Variants in CADPS2 observed in about 807,000 individuals in gnomAD.
The protein encoded by CADPS2 is calcium-dependent secretion activator 2.
In CADPS2, 93 loss-of-function variants were observed where a neutral mutation model predicts 172.5. That is an observed-to-expected ratio of 0.54 (90% CI 0.46 to 0.64). The LOEUF (loss-of-function observed/expected upper bound fraction) is 0.64. Ranked by LOEUF, CADPS2 falls within the 30% of genes least tolerant of loss-of-function variation. CADPS2 has a pLI of 0.00. For missense variants in CADPS2, 1,420 were observed against 1,565.9 expected (o/e 0.91, Z 1.57); for synonymous variants, 546 against 555.2 (o/e 0.98, Z 0.23).
At chr7:122,756,114 ATACTT>A (rs2093150031) in intron 1 of CADPS2, among the ~76,000 whole-genome samples, 1 of 152,230 alleles carries the variant, frequency 6.6e-6, no homozygotes, top group Non-Finnish European at 1.5e-5. Context: ...AACACTGAAA[ATACTT>A]TATTTTCCCT....
intron 23 of CADPS2, among the ~76,000 whole-genome samples, chr7:122,387,935 C>G (rs914196705): frequency 1.3e-5 from 2 of 151,970 alleles, no homozygotes; most frequent in Non-Finnish European, 2.9e-5. Context: ...GAACACTTTT[C>G]TAATATGTGG....
chr7:122,521,661 A>G (rs2060808575), intron 8 of CADPS2, among the ~76,000 whole-genome samples: 1 of 152,140 alleles, frequency 6.6e-6, no homozygotes, highest in Non-Finnish European at 1.5e-5. Context: ...TCATCAAACA[A>G]AATTACATAA....
chr7:122,786,960 A>C (rs1794189442), intron 1 of CADPS2, among the ~76,000 whole-genome samples: 2 of 152,194 alleles, frequency 1.3e-5, no homozygotes, highest in African/African-American at 4.8e-5. Flanking sequence ...TCACAGCTAC[A>C]TCCTCAGTGC....
At chr7:122,707,310 T>C (rs939668794) in intron 2 of CADPS2, among the ~76,000 whole-genome samples, 2 of 151,926 alleles carry the variant, frequency 1.3e-5, no homozygotes, top group Non-Finnish European at 2.9e-5. Flanking sequence ...TATGCATGTA[T>C]CCTATAACTT....
Position 122,613,825 on chromosome 7 carries a change from C to T in CADPS2, c.1223+1356G>A, listed in dbSNP as rs138174493. ...GTTTAGTCGATTGAATTAATAATTC[C>T]GCTTGGATGCTTACTAAGTACTCAG... On this transcript the variant is annotated intron_variant, in intron 6 of 29. Coordinates refer to ENST00000449022, the MANE Select transcript of CADPS2 (RefSeq NM_017954.11). Among the ~76,000 whole-genome samples the T allele has an allele frequency of 5.6e-3, 856 of 151,898 alleles. 2 individuals are homozygous for T. Among genetic ancestry groups the T allele is most frequent in the Middle Eastern group, 0.01 (3 of 294 alleles).
intron 24 of CADPS2, among the ~76,000 whole-genome samples, chr7:122,381,830 A>C (rs2043044678): frequency 1.3e-5 from 2 of 152,176 alleles, no homozygotes; most frequent in Admixed American, 1.3e-4. Flanking sequence ...CAAAGGAATA[A>C]AGAAGTATAC....
rs767501085 is a variant in CADPS2 at position 122,491,352 on chromosome 7, C to T, written c.1611G>A (p.Gln537=). 1.9e-6 allele frequency: 3 copies of T among 1,611,742 alleles called. No homozygotes were observed. Among genetic ancestry groups the T allele is most frequent in the Non-Finnish European group, 2.5e-6 (3 of 1,178,820 alleles). The change falls in exon 10 of 30, where the codon CAG becomes CAA. Residue 537 remains glutamine, a synonymous_variant. Transcript: ENST00000449022. ...EKKSEPQELM[Q]LEGYTVDYTD... ...TATAATCCACAGTATAGCCTTCAAGCTGCATTAATTCTTGTGGTTCAGACT... is the reference window on the plus strand; with the variant it reads ...TATAATCCACAGTATAGCCTTCAAGTTGCATTAATTCTTGTGGTTCAGACT...
chr7:122,545,000 G>T (rs1397186960), intron 8 of CADPS2, among the ~76,000 whole-genome samples: 1 of 152,146 alleles, frequency 6.6e-6, no homozygotes, highest in Non-Finnish European at 1.5e-5. Flanking sequence ...CATTCTTCTG[G>T]TGTCTGTAGG....
chr7:122,386,897 A>G, intron 24 of CADPS2, 129 bp downstream of exon 24: 1 of 888,052 alleles, frequency 1.1e-6, no homozygotes, highest in Non-Finnish European at 1.7e-6. Context: ...TTATTATAGT[A>G]AAGATCAAAC....
intron 1 of CADPS2, among the ~76,000 whole-genome samples, chr7:122,804,378 T>C (rs928773718): frequency 1.3e-5 from 2 of 152,224 alleles, no homozygotes; most frequent in African/African-American, 4.8e-5. Flanking sequence ...ATTTAGGTTA[T>C]TTTATTTTTC....
chr7:122,543,102 G>T (rs1297120503), intron 8 of CADPS2, among the ~76,000 whole-genome samples: 1 of 151,782 alleles, frequency 6.6e-6, no homozygotes, highest in East Asian at 1.9e-4. Flanking sequence ...CTGGTATAAG[G>T]ATATTTTGGA....
At chr7:122,517,993 T>C (rs1477375971) in intron 8 of CADPS2, among the ~76,000 whole-genome samples, 1 of 151,992 alleles carries the variant, frequency 6.6e-6, no homozygotes, top group Non-Finnish European at 1.5e-5. Flanking sequence ...ATGTTCAGTG[T>C]TGTTATGATT....
At chr7:122,816,533 T>C (rs763090075) in intron 1 of CADPS2, among the ~76,000 whole-genome samples, 14 of 152,244 alleles carry the variant, frequency 9.2e-5, no homozygotes, top group Non-Finnish European at 2.1e-4. Context: ...TATGATCTCC[T>C]TTCTTTTGGA....
intron 9 of CADPS2, among the ~76,000 whole-genome samples, chr7:122,498,098 C>T (rs1237847141): frequency 1.3e-5 from 2 of 152,124 alleles, no homozygotes; most frequent in Non-Finnish European, 2.9e-5. Flanking sequence ...CAGGCATTTG[C>T]CACCAGGCCT....
intron 2 of CADPS2, among the ~76,000 whole-genome samples, chr7:122,690,906 C>T (rs908922392): frequency 6.6e-6 from 1 of 152,124 alleles, no homozygotes; most frequent in Non-Finnish European, 1.5e-5. Flanking sequence ...ACAAGTATCT[C>T]GACTAGACCT....
At chr7:122,815,766 T>C (rs1801183534) in intron 1 of CADPS2, among the ~76,000 whole-genome samples, 1 of 152,172 alleles carries the variant, frequency 6.6e-6, no homozygotes, top group Non-Finnish European at 1.5e-5. Flanking sequence ...GTTGTTTCCA[T>C]TTTACTGTCA....
chr7:122,468,803 C>T (rs1332913913), intron 14 of CADPS2, among the ~76,000 whole-genome samples: 3 of 152,132 alleles, frequency 2.0e-5, no homozygotes, highest in Non-Finnish European at 4.4e-5. Context: ...GGACTGTAAA[C>T]GTCACAGGAA....
chr7:122,615,683 G>T (rs2074821626), intron 5 of CADPS2, among the ~76,000 whole-genome samples: 1 of 151,916 alleles, frequency 6.6e-6, no homozygotes, highest in Non-Finnish European at 1.5e-5. Flanking sequence ...TACATGATAA[G>T]TACCATATAA....
At chr7:122,657,874 C>A (rs1217222160) in intron 3 of CADPS2, among the ~76,000 whole-genome samples, 2 of 152,124 alleles carry the variant, frequency 1.3e-5, no homozygotes, top group Non-Finnish European at 2.9e-5. Context: ...GAGAGGGCAT[C>A]CCTGTCTTGT....
Sources: gnomAD v4.1 joint callset for allele counts (sites outside exome capture counted in the v4.1 genomes callset) on GRCh38, gnomAD v4.1.1 for gene constraint, MANE v1.5 for transcripts, NCBI Gene and HGNC (gene_info 2026-07-23, HGNC 2026-07-21) for gene names.